The following AOAH variants were observed in gnomAD, a reference collection of about 807,000 sequenced individuals.
AOAH encodes the protein acyloxyacyl hydrolase.
AOAH carries 64 observed loss-of-function variants against 92.2 expected under a neutral mutation model. That is an observed-to-expected ratio of 0.69 (90% confidence interval 0.57 to 0.86). The LOEUF (loss-of-function observed/expected upper bound fraction) is 0.86, where lower values mean the gene tolerates loss of function less well. Ranked by LOEUF, AOAH falls within the 40% of genes least tolerant of loss-of-function variation. AOAH has a pLI of 0.00. For synonymous variants in AOAH, 263 were observed against 254.5 expected, an observed-to-expected ratio of 1.03 and a Z score of -0.32; for missense variants, 656 against 694.6, an observed-to-expected ratio of 0.94 and a Z score of 0.62.
chr7:36,717,376 C>A (rs569577585), intron 1 of AOAH, among the ~76,000 whole-genome samples: 1 of 151,060 alleles, frequency 6.6e-6, no homozygotes, highest in Admixed American at 6.6e-5. Context: ...GCTCTCCCCA[C>A]TCCCACCCAC....
intron 12 of AOAH, among the ~76,000 whole-genome samples, chr7:36,578,772 G>T (rs1296658100): frequency 6.6e-6 from 1 of 152,002 alleles, no homozygotes; most frequent in Non-Finnish European, 1.5e-5. Context: ...ACTGCCTTTT[G>T]TTTCTTTCCT....
At chr7:36,704,830 T>A (rs540724275) in intron 1 of AOAH, among the ~76,000 whole-genome samples, 168 of 152,332 alleles carry the variant, frequency 1.1e-3, no homozygotes, top group African/African-American at 3.6e-3. Context: ...GATGCAAGGC[T>A]GGTTCAACAT....
At chr7:36,519,225 C>T (rs182408686) in intron 20 of AOAH, among the ~76,000 whole-genome samples, 120 of 152,306 alleles carry the variant, frequency 7.9e-4, no homozygotes, top group Non-Finnish European at 1.5e-3. Flanking sequence ...CCTTAATACG[C>T]GGTAGATTTC....
At chr7:36,531,623 C>T (rs1003873151) in intron 18 of AOAH, among the ~76,000 whole-genome samples, 5 of 152,182 alleles carry the variant, frequency 3.3e-5, no homozygotes, top group African/African-American at 1.2e-4. Flanking sequence ...GCTGAGATTA[C>T]AGGTGTGAGC....
At chr7:36,668,183 T>C (rs1025346659) in intron 3 of AOAH, among the ~76,000 whole-genome samples, 8 of 150,610 alleles carry the variant, frequency 5.3e-5, no homozygotes, top group African/African-American at 1.9e-4. Flanking sequence ...ATCAGAAACA[T>C]GAGAGGTTTT....
chr7:36,619,815 A>G (rs1012786563), intron 9 of AOAH, among the ~76,000 whole-genome samples: 2 of 152,220 alleles, frequency 1.3e-5, no homozygotes, highest in Admixed American at 6.5e-5. Flanking sequence ...GCAACTCTTT[A>G]GAGGCAATTT....
At chr7:36,621,661 C>A in intron 8 of AOAH, 49 bp downstream of exon 8, 2 of 1,567,456 alleles carry the variant, frequency 1.3e-6, no homozygotes, top group South Asian at 1.1e-5. Context: ...CCTCCTGCTT[C>A]CTTTTCTGAA....
At position 36,700,298 on chromosome 7, in the gene AOAH, C is replaced by T. The variant is rs552066007; in HGVS notation, c.128-13504G>A. Among the ~76,000 whole-genome samples the T allele has an allele frequency of 1.7e-4, 26 of 152,046 alleles. No homozygotes were observed. In the South Asian group the frequency reaches 5.4e-3, roughly 32 times the overall value. Reference sequence around the variant, plus strand: ...TCACCCAAATATTGTACATTGTACCCATTAAGTAATTTCTCTTTCCTCACT... The same window carrying T: ...TCACCCAAATATTGTACATTGTACCTATTAAGTAATTTCTCTTTCCTCACT... On this transcript the variant is annotated intron_variant, in intron 1 of 20. Coordinates refer to ENST00000617537, the MANE Select transcript of AOAH (RefSeq NM_001637.4).
intron 4 of AOAH, among the ~76,000 whole-genome samples, chr7:36,640,907 A>G (rs1793856101): frequency 6.6e-6 from 1 of 152,160 alleles, no homozygotes; most frequent in Admixed American, 6.5e-5. Flanking sequence ...GGCCTTGAGT[A>G]GGTGGGGAAA....
intron 13 of AOAH, among the ~76,000 whole-genome samples, chr7:36,560,896 T>C (rs1787210708): frequency 6.6e-6 from 1 of 152,332 alleles, no homozygotes; most frequent in Non-Finnish European, 1.5e-5. Context: ...TCTGTGTGCA[T>C]TTTGTTCCTT....
At chr7:36,601,710 A>C (rs996626755) in intron 11 of AOAH, among the ~76,000 whole-genome samples, 1 of 152,230 alleles carries the variant, frequency 6.6e-6, no homozygotes, top group Non-Finnish European at 1.5e-5. Context: ...GTGTCAGCAC[A>C]TAGAAGGGAC....
chr7:36,709,139 T>A (rs1035609825), intron 1 of AOAH, among the ~76,000 whole-genome samples: 1 of 152,186 alleles, frequency 6.6e-6, no homozygotes, highest in Non-Finnish European at 1.5e-5. Flanking sequence ...GCTAAACTTA[T>A]GGCTGATCAC....
intron 1 of AOAH, among the ~76,000 whole-genome samples, chr7:36,712,980 A>G (rs535410339): frequency 7.0e-4 from 107 of 152,280 alleles, no homozygotes; most frequent in African/African-American, 2.5e-3. Flanking sequence ...CACACATAAC[A>G]ATATTAACCT....
intron 20 of AOAH, chr7:36,514,416 A>C: frequency 1.5e-6 from 2 of 1,322,538 alleles, no homozygotes; most frequent in East Asian, 2.5e-5. Context: ...CCAGAGAGGA[A>C]TCCTTAGCTT....
chr7:36,552,395 A>T (rs1786331477), intron 13 of AOAH, among the ~76,000 whole-genome samples: 1 of 152,122 alleles, frequency 6.6e-6, no homozygotes. Flanking sequence ...TTCTTTATCC[A>T]GTCTATCATC....
intron 3 of AOAH, among the ~76,000 whole-genome samples, chr7:36,672,912 T>C (rs186088006): frequency 3.3e-4 from 51 of 152,300 alleles, no homozygotes; most frequent in Middle Eastern, 3.4e-3. Flanking sequence ...TAATGAATGA[T>C]TTATATTTGT....
rs564973102 is a variant in AOAH, at chr7:36,558,631, G to A, written c.1022-9156C>T. ...CTTGAGCTGTGGTGGGCTCCACCCA[G>A]TTCGAGCTTCCCAGCTGCTTTGTTT... On this transcript the variant is annotated intron_variant, in intron 13 of 20. Coordinates refer to ENST00000617537, the MANE Select transcript of AOAH (RefSeq NM_001637.4). Among the ~76,000 whole-genome samples the A allele has an allele frequency of 9.2e-5, 14 of 152,388 alleles. No homozygotes were observed. In the East Asian group the frequency reaches 2.5e-3, roughly 27 times the overall value.
chr7:36,635,861 C>CTCTA (rs1185811835), intron 5 of AOAH, among the ~76,000 whole-genome samples: 1 of 152,224 alleles, frequency 6.6e-6, no homozygotes, highest in Non-Finnish European at 1.5e-5. Flanking sequence ...GACAAAAATA[C>CTCTA]TCTATCTATT....
intron 5 of AOAH, among the ~76,000 whole-genome samples, chr7:36,634,435 G>T (rs909749178): frequency 6.6e-6 from 1 of 152,064 alleles, no homozygotes; most frequent in Non-Finnish European, 1.5e-5. Context: ...CCCCAGTCAC[G>T]TACCCCCTGC....
Sources: gnomAD v4.1 joint callset for allele counts (sites outside exome capture counted in the v4.1 genomes callset) on GRCh38, gnomAD v4.1.1 for gene constraint, MANE v1.5 for transcripts, NCBI Gene and HGNC (gene_info 2026-07-23, HGNC 2026-07-21) for gene names.